The following KRT71 variants were observed in gnomAD, a reference collection of about 807,000 sequenced individuals.
The protein encoded by KRT71 is keratin, type II cytoskeletal 71.
A neutral mutation model predicts 46.2 loss-of-function variants in KRT71; 42 were observed. The observed-to-expected ratio is 0.91, with a 90% CI of 0.71 to 1.18. The LOEUF (loss-of-function observed/expected upper bound fraction) is 1.18, where lower values mean the gene tolerates loss of function less well. Among genes scored for constraint, KRT71 ranks in the 50% most tolerant of loss-of-function variants. The probability of loss-of-function intolerance (pLI) is 0.00; values close to 1 mark genes in which losing one functional copy is unlikely to be tolerated. For synonymous variants in KRT71, 292 were observed against 277.8 expected, an observed-to-expected ratio of 1.05 and a Z score of -0.51; for missense variants, 708 against 677.9, an observed-to-expected ratio of 1.04 and a Z score of -0.49.
At position 52,547,848 on chromosome 12, in the gene KRT71, T is replaced by A. The variant is rs201130238; in HGVS notation, c.1104+9A>T. On this transcript the variant is annotated intron_variant, in intron 6 of 8. Transcript: ENST00000267119. ...ACTTGACCACAGGCCAAGGCCAACG[T>A]GCTCTCACCTGCTTCTTCACGTTCT... 4.3e-6 allele frequency: 7 copies of A among 1,613,646 alleles called. No homozygotes were observed. The highest frequency in any genetic ancestry group is 5.9e-6 in the Non-Finnish European group (7 of 1,179,802).
chr12:52,546,790 A>G (rs905831632), intron 6 of KRT71, among the ~76,000 whole-genome samples: 1 of 152,246 alleles, frequency 6.6e-6, no homozygotes, highest in African/African-American at 2.4e-5. Context: ...TATTGTGCCA[A>G]GGGCACGAAA....
At position 52,547,933 on chromosome 12, in the gene KRT71, T is replaced by A; in HGVS notation, c.1028A>T (p.Asn343Ile). 1 of 1,614,120 alleles carries A rather than the reference T, an allele frequency of 6.2e-7. No individual in the cohort carries two copies. Among genetic ancestry groups the A allele is most frequent in the Non-Finnish European group, 8.5e-7 (1 of 1,180,004 alleles). ...AAGRHGDDLK[N>I]TKNEISELTR... is the part of the protein sequence containing the mutation. Reference sequence around the variant, plus strand: ...GAGCTCCGAGATTTCATTCTTGGTGTTTTTGAGGTCGTCCCCATGCCTGCC... The same window carrying A: ...GAGCTCCGAGATTTCATTCTTGGTGATTTTGAGGTCGTCCCCATGCCTGCC... Residue 343 changes from asparagine (N) to isoleucine (I), a missense_variant, in exon 6 of 9, where the codon AAC becomes ATC. By Grantham distance (149) the Asn-to-Ile change is moderately radical. Coordinates refer to ENST00000267119, the MANE Select transcript of KRT71 (RefSeq NM_033448.3).
chr12:52,550,338 T>A, intron 1 of KRT71, 95 bp from the exon 2 acceptor site: 1 of 1,432,090 alleles, frequency 7.0e-7, no homozygotes, highest in African/African-American at 1.4e-5. Context: ...CTGCATTTTC[T>A]CCTCAATAGA....
rs1939029099 is a variant in KRT71 at position 52,544,700 on chromosome 12, C to A, written c.1404G>T (p.Arg468=). Reference sequence around the variant, plus strand: ...CATAGCCACCGCTGACCATGCTGGGCCGGAAGCCATAGACACTGCCGCCAC... The same window carrying A: ...CATAGCCACCGCTGACCATGCTGGGACGGAAGCCATAGACACTGCCGCCAC... ...STSGGSVYGF[R]PSMVSGGYVA... The change falls in exon 9 of 9, where the codon CGG becomes CGT. Residue 468 remains arginine, a synonymous_variant. Coordinates refer to ENST00000267119, the MANE Select transcript of KRT71 (RefSeq NM_033448.3). 1 of 1,612,702 alleles carries A rather than the reference C, an allele frequency of 6.2e-7. No homozygotes were observed. The highest frequency in any genetic ancestry group is 8.5e-7 in the Non-Finnish European group (1 of 1,179,798).
intron 6 of KRT71, 143 bp from the exon 7 acceptor site, chr12:52,546,649 C>T (rs1325854465): frequency 3.7e-6 from 3 of 800,370 alleles, no homozygotes; most frequent in Non-Finnish European, 5.8e-6. Flanking sequence ...AGCAGAGCCC[C>T]TTCTGGGGCT....
intron 4 of KRT71, 68 bp from the exon 5 acceptor site, chr12:52,548,384 A>G (rs945930449): frequency 6.0e-5 from 92 of 1,524,300 alleles, no homozygotes; most frequent in Middle Eastern, 5.2e-4. Context: ...CCCCCAAACA[A>G]GATGAGCAAA....
Position 52,549,277 on chromosome 12 carries a change from C to T in KRT71, c.717+16G>A. On this transcript the variant is annotated intron_variant, in intron 3 of 8. Transcript: ENST00000267119. ...CCAGGCCAGCCCCCGGGACTCAGGG[C>T]CTGCCTTCCCCTCACCTTCTTGAGC... The T allele has an allele frequency of 6.2e-7, 1 of 1,609,388 alleles. No individual in the cohort carries two copies. The highest frequency in any genetic ancestry group is 8.5e-7 in the Non-Finnish European group (1 of 1,175,970).
At chr12:52,545,051 T>A (rs565991309) in intron 8 of KRT71, among the ~76,000 whole-genome samples, 1 of 152,188 alleles carries the variant, frequency 6.6e-6, no homozygotes, top group African/African-American at 2.4e-5. Flanking sequence ...GCCTTTTTGC[T>A]AAACTTCCCA....
At chr12:52,549,934 C>A in intron 2 of KRT71, 95 bp downstream of exon 2, 1 of 1,433,450 alleles carries the variant, frequency 7.0e-7, no homozygotes. Flanking sequence ...ATGCCCTCCA[C>A]TGACCTCCAA....
chr12:52,550,228 G>C lies in KRT71; in HGVS notation c.457C>G (p.Gln153Glu), dbSNP rs780766091. The change falls in exon 2 of 9, where the codon CAG (glutamine) becomes GAG (glutamate). Residue 153 changes from glutamine (Q) to glutamate (E), a missense_variant. Physicochemically the swap from Gln to Glu is conservative, Grantham distance 29 (BLOSUM62 2). Transcript: ENST00000267119. ...SFIDKVRFLEQQNQVLETKWE... is the reference protein window; with the variant it reads ...SFIDKVRFLEEQNQVLETKWE... ...TTGGTCTCCAGTACCTGGTTCTGCT[G>C]CTCCAGGAACCGCACCTGGAACCCA... 4 of 1,613,988 alleles carry C rather than the reference G, an allele frequency of 2.5e-6. No homozygotes were observed. The highest frequency in any genetic ancestry group is 3.4e-6 in the Non-Finnish European group (4 of 1,180,052).
At chr12:52,545,740 G>T (rs746514885) in intron 7 of KRT71, 141 bp from the exon 8 acceptor site, 19 of 581,642 alleles carry the variant, frequency 3.3e-5, no homozygotes, top group Non-Finnish European at 4.9e-5. Context: ...TCTGATGCAA[G>T]CAGAGCCTGA....
In KRT71 at chr12:52,544,746, G is replaced by A; in HGVS notation, c.1361-3C>T. On this transcript the variant is annotated splice_region_variant and splice_polypyrimidine_tract_variant and intron_variant, in intron 8 of 8. Coordinates refer to ENST00000267119, the MANE Select transcript of KRT71 (RefSeq NM_033448.3). ...GCCACTGGTGCTGCTGATGATGGCT[G>A]CAGGAGGAGCCGAAGCCAACACCCA... 6.2e-7 allele frequency: 1 copy of A among 1,607,002 alleles called. No homozygotes were observed. The highest frequency in any genetic ancestry group is 8.5e-7 in the Non-Finnish European group (1 of 1,177,868).
chr12:52,547,421 A>G (rs946074600), intron 6 of KRT71, among the ~76,000 whole-genome samples: 1 of 152,142 alleles, frequency 6.6e-6, no homozygotes, highest in African/African-American at 2.4e-5. Flanking sequence ...CCATTTCTCC[A>G]TCTCAGTCAT....
intron 2 of KRT71, 39 bp from the exon 3 acceptor site, chr12:52,549,392 T>G: frequency 6.5e-7 from 1 of 1,547,986 alleles, no homozygotes. Context: ...AATATCTCAC[T>G]GAAAGCCCTT....
chr12:52,545,343 C>T (rs1234045840), intron 8 of KRT71, among the ~76,000 whole-genome samples: 1 of 152,186 alleles, frequency 6.6e-6, no homozygotes, highest in Non-Finnish European at 1.5e-5. Context: ...TTGCTGCCAT[C>T]CCCTAGGAAC....
chr12:52,548,865 G>C, intron 3 of KRT71, 69 bp from the exon 4 acceptor site: 1 of 1,366,516 alleles, frequency 7.3e-7, no homozygotes, highest in Non-Finnish European at 1.0e-6. Flanking sequence ...ATCCCTGCCT[G>C]GGTTCCCTGA....
chr12:52,552,010 C>T (rs1939179616), intron 1 of KRT71, among the ~76,000 whole-genome samples: 1 of 152,208 alleles, frequency 6.6e-6, no homozygotes, highest in Non-Finnish European at 1.5e-5. Flanking sequence ...AGCCTGACAA[C>T]AACCCCAAGA....
Position 52,553,106 on chromosome 12 carries a change from A to G in KRT71, c.-29T>C, listed in dbSNP as rs628819. 0.23 allele frequency: 351,927 copies of G among 1,539,604 alleles called. 41,819 individuals carry two copies. Among genetic ancestry groups the G allele is most frequent in the African/African-American group, 0.3 (21,804 of 72,570 alleles). ...GCTGGTGGAGACAAAGCTCAGATGC[A>G]GGAGGGAGGAAGGCAAAATCCCAAA... On this transcript the variant is annotated 5_prime_UTR_variant, in exon 1 of 9. Transcript: ENST00000267119.
rs4761929 is a variant in KRT71, at chr12:52,547,745, T to C, written c.1104+112A>G. ...GTTTGAGGCAGCGACCTCACTGGCC[T>C]TCTCTCTTCTCCCAGGCAGCGATCT... On this transcript the variant is annotated intron_variant, in intron 6 of 8. Coordinates refer to ENST00000267119, the MANE Select transcript of KRT71 (RefSeq NM_033448.3). 609,498 of 1,359,434 alleles carry C rather than the reference T, an allele frequency of 0.45. 150,956 individuals carry two copies. Among genetic ancestry groups the C allele is most frequent in the Middle Eastern group, 0.53 (2,241 of 4,198 alleles). 84.2% of individuals were successfully genotyped at this position (1,359,434 alleles called of 1,614,324 possible).
Sources: gnomAD v4.1 joint callset for allele counts (sites outside exome capture counted in the v4.1 genomes callset) on GRCh38, gnomAD v4.1.1 for gene constraint, MANE v1.5 for transcripts, NCBI Gene and HGNC (gene_info 2026-07-23, HGNC 2026-07-21) for gene names.